Variants in SGCZ observed in about 807,000 individuals in gnomAD.
The protein encoded by SGCZ is sarcoglycan zeta, also known as zeta-sarcoglycan.
SGCZ carries 40 observed loss-of-function variants against 41.3 expected under a neutral mutation model. That is an observed-to-expected ratio of 0.97 (90% CI 0.75 to 1.26). The LOEUF is 1.26. Ranked by LOEUF, SGCZ falls within the 50% of genes most tolerant of loss-of-function variation. The pLI is 0.00. For missense variants in SGCZ, 552 were observed against 369.8 expected, an observed-to-expected ratio of 1.49 and a Z score of -4.04; for synonymous variants, 206 against 137.5, an observed-to-expected ratio of 1.50 and a Z score of -3.49.
chr8:14,779,315 A>G (rs1194995233), intron 1 of SGCZ, among the ~76,000 whole-genome samples: 1 of 152,212 alleles, frequency 6.6e-6, no homozygotes, highest in Non-Finnish European at 1.5e-5. Context: ...TGTTATGAGA[A>G]CACTCAAGCA....
chr8:14,245,007 G>A (rs1490963241), intron 3 of SGCZ, among the ~76,000 whole-genome samples: 1 of 152,072 alleles, frequency 6.6e-6, no homozygotes, highest in Non-Finnish European at 1.5e-5. Flanking sequence ...AGACAATGGG[G>A]TTTTCTCAGT....
At chr8:14,096,952 CTTCATCATTTT>C (rs1320740483) in intron 7 of SGCZ, among the ~76,000 whole-genome samples, 1 of 152,024 alleles carries the variant, frequency 6.6e-6, no homozygotes, top group Non-Finnish European at 1.5e-5. Context: ...GTGATATCCC[CTTCATCATTTT>C]TTATTGCATC....
chr8:14,227,612 C>T (rs1806416477), intron 4 of SGCZ, among the ~76,000 whole-genome samples: 1 of 151,906 alleles, frequency 6.6e-6, no homozygotes, highest in Admixed American at 6.6e-5. Flanking sequence ...ATATTTTAAC[C>T]AAAGAATGCT....
intron 1 of SGCZ, among the ~76,000 whole-genome samples, chr8:14,598,719 A>G (rs915373337): frequency 1.3e-5 from 2 of 151,816 alleles, no homozygotes; most frequent in African/African-American, 4.8e-5. Flanking sequence ...TTGTAGAGAT[A>G]TGTTTTTGCC....
At chr8:15,053,876 TGTGA>T (rs1198329025) in intron 1 of SGCZ, among the ~76,000 whole-genome samples, 1 of 152,220 alleles carries the variant, frequency 6.6e-6, no homozygotes, top group African/African-American at 2.4e-5. Flanking sequence ...CATGCTGTTC[TGTGA>T]GTGTCAGAAT....
chr8:15,196,618 T>G (rs1800740519), intron 1 of SGCZ, among the ~76,000 whole-genome samples: 1 of 127,906 alleles, frequency 7.8e-6, no homozygotes, highest in Non-Finnish European at 1.8e-5. Flanking sequence ...AACAGTAAAA[T>G]TTCTTTTATT....
At chr8:14,632,408 T>C (rs953009288) in intron 1 of SGCZ, among the ~76,000 whole-genome samples, 3 of 152,062 alleles carry the variant, frequency 2.0e-5, no homozygotes, top group African/African-American at 4.8e-5. Flanking sequence ...ATAAGCTAAA[T>C]AAAAAATTAT....
At chr8:14,599,588 G>A (rs1050771592) in intron 1 of SGCZ, among the ~76,000 whole-genome samples, 6 of 152,074 alleles carry the variant, frequency 3.9e-5, no homozygotes, top group African/African-American at 9.7e-5. Context: ...GTTCTCCTGG[G>A]AGAAAACTGA....
chr8:14,251,358 T>C (rs1017074049), intron 3 of SGCZ, among the ~76,000 whole-genome samples: 2 of 152,246 alleles, frequency 1.3e-5, no homozygotes, highest in Non-Finnish European at 2.9e-5. Context: ...GGCCAACTTT[T>C]ATTTTCAAGA....
intron 1 of SGCZ, among the ~76,000 whole-genome samples, chr8:14,860,368 C>T (rs536025664): frequency 2.0e-5 from 3 of 151,430 alleles, no homozygotes; most frequent in Non-Finnish European, 4.4e-5. Context: ...GTGGTAACTG[C>T]AGACTTTAAT....
At chr8:14,797,273 G>C (rs538197454) in intron 1 of SGCZ, among the ~76,000 whole-genome samples, 2 of 152,082 alleles carry the variant, frequency 1.3e-5, no homozygotes, top group African/African-American at 2.4e-5. Context: ...GAACTTCCTA[G>C]AGACTTGTTG....
chr8:14,631,774 G>C (rs1472603655), intron 1 of SGCZ, among the ~76,000 whole-genome samples: 1 of 152,070 alleles, frequency 6.6e-6, no homozygotes, highest in Admixed American at 6.6e-5. Context: ...AGAACTGAGA[G>C]TTAGGAAAGA....
At chr8:14,998,535 A>G (rs913227928) in intron 1 of SGCZ, among the ~76,000 whole-genome samples, 2 of 152,346 alleles carry the variant, frequency 1.3e-5, no homozygotes, top group South Asian at 2.1e-4. Context: ...CTTTTTCTTA[A>G]GAATCAATCC....
intron 1 of SGCZ, among the ~76,000 whole-genome samples, chr8:14,908,752 A>C (rs1000155703): frequency 6.8e-4 from 103 of 151,722 alleles, no homozygotes; most frequent in Non-Finnish European, 1.3e-3. Context: ...GCAAAAAAAA[A>C]AAAAAAAAAA....
chr8:14,510,633 A>G (rs1449805766), intron 2 of SGCZ, among the ~76,000 whole-genome samples: 1 of 152,160 alleles, frequency 6.6e-6, no homozygotes, highest in African/African-American at 2.4e-5. Flanking sequence ...TTGGTAGAAC[A>G]TCATGAAGTG....
intron 1 of SGCZ, among the ~76,000 whole-genome samples, chr8:15,230,198 A>C (rs553513987): frequency 9.9e-5 from 15 of 152,066 alleles, no homozygotes; most frequent in Non-Finnish European, 1.8e-4. Context: ...AAAAAAAAAA[A>C]AAAACTGTAA....
At chr8:14,683,592 C>A (rs957019048) in intron 1 of SGCZ, among the ~76,000 whole-genome samples, 1 of 151,980 alleles carries the variant, frequency 6.6e-6, no homozygotes, top group African/African-American at 2.4e-5. Flanking sequence ...TAGATCTGAT[C>A]AAGATTCTTA....
At chr8:14,746,538 C>T (rs758824067) in intron 1 of SGCZ, among the ~76,000 whole-genome samples, 11 of 152,092 alleles carry the variant, frequency 7.2e-5, no homozygotes, top group Admixed American at 3.3e-4. Context: ...CACTCTCTAT[C>T]TCAGGATGTG....
intron 1 of SGCZ, among the ~76,000 whole-genome samples, chr8:14,941,198 T>G (rs1228848939): frequency 6.6e-6 from 1 of 152,086 alleles, no homozygotes; most frequent in Non-Finnish European, 1.5e-5. Flanking sequence ...CCAATATAAC[T>G]TTCTACATTT....
Sources: allele counts gnomAD v4.1 joint callset (sites outside exome capture counted in the v4.1 genomes callset), GRCh38; gene constraint gnomAD v4.1.1; transcripts MANE v1.5; gene names NCBI Gene and HGNC (gene_info 2026-07-23, HGNC 2026-07-21).